Variants in CNNM1 observed in about 807,000 individuals in gnomAD.
CNNM1 encodes the protein metal transporter CNNM1.
CNNM1 carries 44 observed loss-of-function variants against 78.8 expected under a neutral mutation model. The observed-to-expected ratio is 0.56, with a 90% CI of 0.44 to 0.72. The LOEUF (loss-of-function observed/expected upper bound fraction) is 0.72. CNNM1 is among the 30% of genes least tolerant of loss of function. The pLI, the probability that CNNM1 is intolerant of heterozygous loss-of-function variation, is 0.00. For missense variants in CNNM1, 1,101 were observed against 1,292.2 expected (o/e 0.85, Z 2.27); for synonymous variants, 584 against 581.5 (o/e 1.00, Z -0.06).
At chr10:99,345,566 C>A (rs2030655240) in intron 1 of CNNM1, among the ~76,000 whole-genome samples, 1 of 152,156 alleles carries the variant, frequency 6.6e-6, no homozygotes, top group Non-Finnish European at 1.5e-5. Flanking sequence ...GAGAATGACA[C>A]CATCTGCCAA....
rs58994103 is a variant in CNNM1 at position 99,348,051 on chromosome 10, T to TATATA, written c.1574-9461_1574-9460insATATA. Among the ~76,000 whole-genome samples the TATATA allele has an allele frequency of 2.9e-3, 400 of 137,876 alleles. 2 individuals carry two copies. Among genetic ancestry groups the TATATA allele is most frequent in the Non-Finnish European group, 4.9e-3 (316 of 64,162 alleles). The allele number at this position is 137,876 out of a possible 152,430, so 90.5% of individuals were successfully genotyped here. On this transcript the variant is annotated intron_variant, in intron 1 of 10. Transcript: ENST00000356713. ...GTGTGTGTGTGTGTATATATATATA[T>TATATA]TTTTTTTTTTTGAGACAACATCTCA...
intron 10 of CNNM1, among the ~76,000 whole-genome samples, chr10:99,390,903 A>C (rs962308677): frequency 6.6e-6 from 1 of 152,200 alleles, no homozygotes; most frequent in Non-Finnish European, 1.5e-5. Flanking sequence ...TTCCTTCCTA[A>C]AAACAGACCT....
chr10:99,356,609 G>GAAAGAAAGAAAGAAAGA, intron 1 of CNNM1, among the ~76,000 whole-genome samples: 1 of 132,620 alleles, frequency 7.5e-6, no homozygotes. Flanking sequence ...AGAAAGAAAA[G>GAAAGAAAGAAAGAAAGA]AAAGAAAGAA....
intron 7 of CNNM1, among the ~76,000 whole-genome samples, chr10:99,378,543 A>G (rs1000664273): frequency 3.3e-5 from 5 of 152,250 alleles, no homozygotes; most frequent in Non-Finnish European, 5.9e-5. Flanking sequence ...ACATCAGCCT[A>G]TAAAAGTAAC....
chr10:99,357,291 G>T (rs2031256019), intron 1 of CNNM1, among the ~76,000 whole-genome samples: 1 of 152,142 alleles, frequency 6.6e-6, no homozygotes, highest in African/African-American at 2.4e-5. Context: ...AATATATTCA[G>T]TAACTTCCCT....
At chr10:99,349,553 A>C (rs1189449690) in intron 1 of CNNM1, among the ~76,000 whole-genome samples, 4 of 152,206 alleles carry the variant, frequency 2.6e-5, no homozygotes, top group African/African-American at 7.2e-5. Flanking sequence ...TCTGATTCAG[A>C]AAGCTAAGAT....
Position 99,365,283 on chromosome 10 carries a change from A to G in CNNM1, c.2176+281A>G, listed in dbSNP as rs138863868. On this transcript the variant is annotated intron_variant, in intron 6 of 10. Transcript: ENST00000356713. ...AAGGCACTGCTTATTGCCACCTTCC[A>G]GTGAATGCAGGCAGGTGATTTGTGT... 6.5e-3 allele frequency among the ~76,000 whole-genome samples: 996 copies of G among 152,338 alleles called. 4 individuals carry two copies. Among genetic ancestry groups the G allele is most frequent in the Non-Finnish European group, 0.011 (751 of 68,022 alleles).
At chr10:99,381,420 A>C (rs2032151417) in intron 7 of CNNM1, among the ~76,000 whole-genome samples, 1 of 151,210 alleles carries the variant, frequency 6.6e-6, no homozygotes, top group African/African-American at 2.4e-5. Flanking sequence ...AAAAAAAAAA[A>C]AAAAAGGAAA....
chr10:99,377,869 G>C (rs1196635021), intron 7 of CNNM1, among the ~76,000 whole-genome samples: 2 of 152,026 alleles, frequency 1.3e-5, no homozygotes, highest in Non-Finnish European at 2.9e-5. Flanking sequence ...TAATTAAAGA[G>C]GAGGGGAGCT....
intron 9 of CNNM1, 46 bp downstream of exon 9, chr10:99,388,347 C>G: frequency 6.3e-7 from 1 of 1,589,304 alleles, no homozygotes; most frequent in Non-Finnish European, 8.6e-7. Flanking sequence ...AGATCATTGC[C>G]TTTGGGCACT....
rs557905292 is a variant in CNNM1 at position 99,347,435 on chromosome 10, G to A, written c.1574-10077G>A. Among the ~76,000 whole-genome samples the A allele has an allele frequency of 2.6e-5, 4 of 152,058 alleles. No homozygotes were observed. In the East Asian group the frequency reaches 5.8e-4, roughly 22 times the overall value. On this transcript the variant is annotated intron_variant, in intron 1 of 10. Coordinates refer to ENST00000356713, the MANE Select transcript of CNNM1 (RefSeq NM_020348.3). ...ACTTGGGAGGCTGAGGCAGAGAATC[G>A]CTTGAACCCGGGAGGCGGAGGTTGC...
chr10:99,331,828 C>A (rs1288898025), intron 1 of CNNM1, among the ~76,000 whole-genome samples: 1 of 152,096 alleles, frequency 6.6e-6, no homozygotes, highest in African/African-American at 2.4e-5. Context: ...TAGATCTGGA[C>A]CTGAAGAAAT....
chr10:99,331,007 GTAT>G (rs1318585708), intron 1 of CNNM1, 47 bp downstream of exon 1: 1 of 1,537,494 alleles, frequency 6.5e-7, no homozygotes, highest in South Asian at 1.2e-5. Flanking sequence ...CCCTTCAAAG[GTAT>G]TATCCTTTCC....
intron 3 of CNNM1, 57 bp downstream of exon 3, chr10:99,361,032 G>A: frequency 1.3e-6 from 2 of 1,500,762 alleles, no homozygotes; most frequent in Non-Finnish European, 1.8e-6. Flanking sequence ...GTGGGACCCA[G>A]GCACCAATCG....
In CNNM1 at chr10:99,330,279, G is replaced by A. The variant is rs759713178; in HGVS notation, c.892G>A (p.Ala298Thr). 4 of 1,565,790 alleles carry A rather than the reference G, an allele frequency of 2.6e-6. No homozygotes were observed. The South Asian group carries it at 3.6e-5, about 14-fold the overall frequency. The change falls in exon 1 of 11, where the codon GCT becomes ACT. Residue 298 changes from alanine to threonine, a missense_variant. By Grantham distance (58) the Ala-to-Thr change is moderately conservative. Around this residue, in one of 3 missense-constraint regions of CNNM1, gnomAD observed 476 missense variants for 484.5 expected, o/e 0.98. Coordinates refer to ENST00000356713, the MANE Select transcript of CNNM1 (RefSeq NM_020348.3). ...CCAAGCCGGAGCCAACGCGGCCCTG[G>A]CTGGCTGGCTGTACACCTCGCTGCC... is the stretch of plus-strand genomic sequence containing the variant. The part of the protein sequence containing the change: ...LGQAGANAAL[A>T]GWLYTSLPPG...
At chr10:99,360,650 G>A (rs772182735) in intron 2 of CNNM1, among the ~76,000 whole-genome samples, 185 bp from the exon 3 acceptor site, 1 of 152,124 alleles carries the variant, frequency 6.6e-6, no homozygotes, top group Non-Finnish European at 1.5e-5. Context: ...GGAAAACACT[G>A]AAATGATGGC....
Position 99,383,701 on chromosome 10 carries a change from G to C in CNNM1, c.2341-4119G>C, listed in dbSNP as rs938474569. 9.7e-4 allele frequency among the ~76,000 whole-genome samples: 148 copies of C among 152,322 alleles called. 1 individual carries two copies. The highest frequency in any genetic ancestry group is 1.2e-3 in the Non-Finnish European group (84 of 68,028). On this transcript the variant is annotated intron_variant, in intron 7 of 10. Coordinates refer to ENST00000356713, the MANE Select transcript of CNNM1 (RefSeq NM_020348.3). ...AGGCAAGTAGACATGGCGCATTCGAGGGACTGGGTAGAGAGAGAAGCTGGG... is the reference window on the plus strand; with the variant it reads ...AGGCAAGTAGACATGGCGCATTCGACGGACTGGGTAGAGAGAGAAGCTGGG...
At position 99,357,627 on chromosome 10, in the gene CNNM1, G is replaced by T. The variant is rs200336754; in HGVS notation, c.1689G>T (p.Ser563=). The part of the protein sequence containing the change: ...LEDIIEEIIK[S]EILDETDLYT... ...ATATCATAGAGGAGATTATCAAGTCGGAGATCCTGGATGAAACTGATCTCT... is the reference window on the plus strand; with the variant it reads ...ATATCATAGAGGAGATTATCAAGTCTGAGATCCTGGATGAAACTGATCTCT... Residue 563 remains serine, a synonymous_variant, in exon 2 of 11, where the codon TCG becomes TCT. Transcript: ENST00000356713. 4 of 1,612,392 alleles carry T rather than the reference G, an allele frequency of 2.5e-6. No homozygotes were observed. The highest frequency in any genetic ancestry group is 3.4e-6 in the Non-Finnish European group (4 of 1,179,234).
At chr10:99,370,894 T>C (rs2031779082) in intron 6 of CNNM1, among the ~76,000 whole-genome samples, 1 of 152,206 alleles carries the variant, frequency 6.6e-6, no homozygotes, top group African/African-American at 2.4e-5. Context: ...TGTCATTGTC[T>C]GATTTGACTC....
Sources: allele counts gnomAD v4.1 joint callset (sites outside exome capture counted in the v4.1 genomes callset), GRCh38; gene constraint gnomAD v4.1.1; regional missense constraint gnomAD v4.1.1; transcripts MANE v1.5; gene names NCBI Gene and HGNC (gene_info 2026-07-23, HGNC 2026-07-21).